SUPT5H: variants seen among roughly 807,000 people sequenced by gnomAD.
SUPT5H encodes transcription elongation factor SPT5.
A neutral mutation model predicts 142.5 loss-of-function variants in SUPT5H; 24 were observed. The observed-to-expected ratio is 0.17, with a 90% confidence interval of 0.12 to 0.24. SUPT5H has a LOEUF of 0.24. Ranked by LOEUF, SUPT5H falls within the 10% of genes least tolerant of loss-of-function variation. SUPT5H has a pLI of 1.00. For missense variants in SUPT5H, 893 were observed against 1,471.8 expected (o/e 0.61, Z 6.43); for synonymous variants, 546 against 553.0 (o/e 0.99, Z 0.18).
At chr19:39,464,707 C>T (rs2146107969) in intron 10 of SUPT5H, 91 bp from the exon 11 acceptor site, 2 of 1,504,902 alleles carry the variant, frequency 1.3e-6, no homozygotes, top group African/African-American at 2.8e-5. Flanking sequence ...GGAATAAATT[C>T]CTAGAAGAGG....
In SUPT5H at chr19:39,476,640, T is replaced by A; in HGVS notation, c.*241T>A. Reference sequence around the variant, plus strand: ...CACAGCTTGCTTTTGTTGTACCGTCTTTCAATAAAAAGAAGCTGTTTGGTC... The same window carrying A: ...CACAGCTTGCTTTTGTTGTACCGTCATTCAATAAAAAGAAGCTGTTTGGTC... On this transcript the variant is annotated 3_prime_UTR_variant, in exon 30 of 30. Transcript: ENST00000432763. 1 of 556,570 alleles carries A rather than the reference T, an allele frequency of 1.8e-6. No individual in the cohort carries two copies. The highest frequency in any genetic ancestry group is 3.2e-6 in the Non-Finnish European group (1 of 313,660). The allele number at this position is 556,570 out of a possible 1,614,324, so 34.5% of individuals were successfully genotyped here.
In SUPT5H at chr19:39,474,733, G is replaced by T; in HGVS notation, c.3024+15G>T. The T allele has an allele frequency of 6.3e-7, 1 of 1,598,768 alleles. No individual in the cohort carries two copies. ...GCAGTGTCACGGTACGTGGGGCCCA[G>T]GGTGGTGGGTGAGCAGGCATCCTCT... is the stretch of plus-strand genomic sequence containing the variant. On this transcript the variant is annotated intron_variant, in intron 28 of 29. Coordinates refer to ENST00000432763, the MANE Select transcript of SUPT5H (RefSeq NM_001111020.3). This position sits in a 1 kb window ranked among gnomAD's most constrained non-coding sequence, Gnocchi z 6.5.
In SUPT5H at chr19:39,476,558, T is replaced by C; in HGVS notation, c.*159T>C. ...TTTCCATCTTTTCCCTCCCTGGTGCTCATTGGAATCTGAGTAGAGTCTGGG... is the reference window on the plus strand; with the variant it reads ...TTTCCATCTTTTCCCTCCCTGGTGCCCATTGGAATCTGAGTAGAGTCTGGG... On this transcript the variant is annotated 3_prime_UTR_variant, in exon 30 of 30. Transcript: ENST00000432763. 1.0e-6 allele frequency: 1 copy of C among 956,200 alleles called. No individual in the cohort carries two copies. Among genetic ancestry groups the C allele is most frequent in the Non-Finnish European group, 1.5e-6 (1 of 658,234 alleles). The allele number at this position is 956,200 out of a possible 1,614,324, so 59.2% of individuals were successfully genotyped here.
At position 39,469,538 on chromosome 19, in the gene SUPT5H, C is replaced by G; in HGVS notation, c.1374+140C>G. On this transcript the variant is annotated intron_variant, in intron 16 of 29. Coordinates refer to ENST00000432763, the MANE Select transcript of SUPT5H (RefSeq NM_001111020.3). The surrounding 1 kb of genome is among the most constrained non-coding windows in gnomAD (Gnocchi z 5.1). The stretch of plus-strand genomic sequence containing the variant: ...AGGCCCTTCTAGCATTCTCAGGTGC[C>G]TGAGAGGCTCTGTCTGAGTGCAGCT... The G allele has an allele frequency of 8.1e-7, 1 of 1,237,484 alleles. No homozygotes were observed. Among genetic ancestry groups the G allele is most frequent in the Admixed American group, 2.1e-5 (1 of 47,834 alleles). The allele number at this position is 1,237,484 out of a possible 1,614,324, so 76.7% of individuals were successfully genotyped here. A position where few individuals can be genotyped will look rare whatever the true frequency, so the allele number is the denominator to read the frequency against.
At chr19:39,471,813 T>C in intron 20 of SUPT5H, 83 bp downstream of exon 20, 1 of 1,521,144 alleles carries the variant, frequency 6.6e-7, no homozygotes, top group Non-Finnish European at 8.8e-7. Flanking sequence ...AGTGATAAGA[T>C]TGGGCTTGTG....
intron 7 of SUPT5H, 23 bp from the exon 8 acceptor site, chr19:39,459,161 C>T (rs2079128856): frequency 6.2e-7 from 1 of 1,608,550 alleles, no homozygotes; most frequent in Non-Finnish European, 8.5e-7. Context: ...TTCACCCCTT[C>T]CTGACTGCCC....
rs1472234795 is a variant in SUPT5H at position 39,465,421 on chromosome 19, C to G, written c.876+372C>G. The stretch of plus-strand genomic sequence containing the variant: ...GCCCATTGGAGAGCTTTGGTGTTTA[C>G]TGGCGTAGGATGGGAGGGCTGTAAG... On this transcript the variant is annotated intron_variant, in intron 11 of 29. Transcript: ENST00000432763. Among the ~76,000 whole-genome samples the G allele has an allele frequency of 2.0e-5, 3 of 152,184 alleles. No homozygotes were observed. In the East Asian group the frequency reaches 5.8e-4, roughly 29 times the overall value.
In SUPT5H at chr19:39,472,600, A is replaced by T. The variant is rs1347661442; in HGVS notation, c.2035+107A>T. 2.8e-6 allele frequency: 4 copies of T among 1,412,476 alleles called. No individual in the cohort carries two copies. The highest frequency in any genetic ancestry group is 2.0e-5 in the Admixed American group (1 of 49,906). 87.5% of individuals were successfully genotyped at this position (1,412,476 alleles called of 1,614,324 possible). On this transcript the variant is annotated intron_variant, in intron 21 of 29. Coordinates refer to ENST00000432763, the MANE Select transcript of SUPT5H (RefSeq NM_001111020.3). This position sits in a 1 kb window ranked among gnomAD's most constrained non-coding sequence, Gnocchi z 4.2. ...TGCCTGTGCTGGGCTGGGCACTGCT[A>T]TTAGGGGTTCACCACCCACAGGAGG...
At position 39,469,683 on chromosome 19, in the gene SUPT5H, C is replaced by A. The variant is rs2079291925; in HGVS notation, c.1374+285C>A. On this transcript the variant is annotated intron_variant, in intron 16 of 29. Coordinates refer to ENST00000432763, the MANE Select transcript of SUPT5H (RefSeq NM_001111020.3). The surrounding 1 kb of genome is among the most constrained non-coding windows in gnomAD (Gnocchi z 5.1). The stretch of plus-strand genomic sequence containing the variant: ...GTACTGGGTTGAGAGTGTGATTAAC[C>A]AAGGAGTAATCTGAGGCTTGACTTT... 1.9e-6 allele frequency: 1 copy of A among 535,762 alleles called. No homozygotes were observed. Among genetic ancestry groups the A allele is most frequent in the Non-Finnish European group, 3.4e-6 (1 of 296,072 alleles). 33.2% of individuals were successfully genotyped at this position (535,762 alleles called of 1,614,324 possible). A position where few individuals can be genotyped will look rare whatever the true frequency, so the allele number is the denominator to read the frequency against.
At chr19:39,450,818 T>C (rs1261254167) in intron 2 of SUPT5H, among the ~76,000 whole-genome samples, 3 of 152,236 alleles carry the variant, frequency 2.0e-5, no homozygotes, top group Non-Finnish European at 4.4e-5. Context: ...AGTTTCATCT[T>C]AGTGCTACTG....
rs768413830 is a variant in SUPT5H at position 39,466,552 on chromosome 19, A to G, written c.949A>G (p.Lys317Glu). Residue 317 changes from lysine (K) to glutamate (E), a missense_variant, in exon 12 of 30, where the codon AAG becomes GAG. By Grantham distance (56) the Lys-to-Glu change is moderately conservative. This residue lies in a region of SUPT5H where 428 missense variants were observed against 763.5 expected (regional missense o/e 0.56). Coordinates refer to ENST00000432763, the MANE Select transcript of SUPT5H (RefSeq NM_001111020.3). This position sits in a 1 kb window ranked among gnomAD's most constrained non-coding sequence, Gnocchi z 4.3. ...MIPRIDYDRI[K>E]ARMSLKDWFA... ...CCCACGCATCGACTACGATCGCATC[A>G]AGGCCCGCATGAGCTTGGTACTCAG... The G allele has an allele frequency of 2.5e-6, 4 of 1,614,006 alleles. No individual in the cohort carries two copies. The highest frequency in any genetic ancestry group is 1.7e-5 in the Admixed American group (1 of 60,000).
At position 39,459,604 on chromosome 19, in the gene SUPT5H, C is replaced by T; in HGVS notation, c.555+15C>T. 3 of 1,613,822 alleles carry T rather than the reference C, an allele frequency of 1.9e-6. No individual in the cohort carries two copies. The highest frequency in any genetic ancestry group is 2.5e-6 in the Non-Finnish European group (3 of 1,179,886). On this transcript the variant is annotated intron_variant, in intron 9 of 29. Coordinates refer to ENST00000432763, the MANE Select transcript of SUPT5H (RefSeq NM_001111020.3). ...TCAAATGTAAGGTATGTGCTCTGAT[C>T]TCGGGGCTTGGAGGAGGTGGGAGAA... is the stretch of plus-strand genomic sequence containing the variant.
chr19:39,458,919 G>T lies in SUPT5H; in HGVS notation c.389+32G>T, dbSNP rs1333423311. 1 of 1,613,862 alleles carries T rather than the reference G, an allele frequency of 6.2e-7. No homozygotes were observed. On this transcript the variant is annotated intron_variant, in intron 6 of 29. Transcript: ENST00000432763. The surrounding 1 kb of genome is among the most constrained non-coding windows in gnomAD (Gnocchi z 4.2). Reference sequence around the variant, plus strand: ...AAGGAAGGGAAACGTGGTGGGATTGGCTCCTGTGGGGAGATTTGGGAGTAG... The same window carrying T: ...AAGGAAGGGAAACGTGGTGGGATTGTCTCCTGTGGGGAGATTTGGGAGTAG...
chr19:39,459,241 A>T lies in SUPT5H; in HGVS notation c.516A>T (p.Pro172=). 3.2e-6 allele frequency: 5 copies of T among 1,559,246 alleles called. No homozygotes were observed. The highest frequency in any genetic ancestry group is 4.3e-6 in the Non-Finnish European group (5 of 1,151,670). The change falls in exon 8 of 30, where the codon CCA becomes CCT. Residue 172 remains proline (P), a synonymous_variant. Coordinates refer to ENST00000432763, the MANE Select transcript of SUPT5H (RefSeq NM_001111020.3). ...SDDITQQQLL[P]GVKDPNLWTV... ...ACATCACCCAGCAGCAGCTGCTCCC[A>T]GGAGTCAAGTAAGGGGGTTGGGATG...
chr19:39,448,756 C>G (rs1414434796), intron 2 of SUPT5H, among the ~76,000 whole-genome samples: 1 of 152,078 alleles, frequency 6.6e-6, no homozygotes, highest in Non-Finnish European at 1.5e-5. Flanking sequence ...AGGGGAGCTG[C>G]TGGTTCACCC....
intron 10 of SUPT5H, among the ~76,000 whole-genome samples, chr19:39,460,961 A>C (rs1024696538): frequency 3.3e-5 from 5 of 152,100 alleles, no homozygotes; most frequent in Non-Finnish European, 7.4e-5. Context: ...TTTGCAAACT[A>C]TGCTTTTAAA....
Position 39,453,440 on chromosome 19 carries a change from T to C in SUPT5H, c.160T>C (p.Tyr54His), listed in dbSNP as rs1452872155. 1 of 1,567,134 alleles carries C rather than the reference T, an allele frequency of 6.4e-7. No homozygotes were observed. Among genetic ancestry groups the C allele is most frequent in the African/African-American group, 1.4e-5 (1 of 73,106 alleles). ...DEEEEEEEEE[Y>H]DEEEEEEDDD... ...AGAGGAGGAGGAAGAGGAGGAGGAA[T>C]ACGATGAGGAAGAGGAGGAAGAAGA... Residue 54 changes from tyrosine to histidine, a missense_variant, in exon 3 of 30, where the codon TAC (tyrosine) becomes CAC (histidine). By Grantham distance (83) the Tyr-to-His change is moderately conservative. This residue lies in a region of SUPT5H where 19 missense variants were observed against 27.2 expected (regional missense o/e 0.70). Transcript: ENST00000432763.
chr19:39,470,440 G>A lies in SUPT5H; in HGVS notation c.1594G>A (p.Gly532Ser). 6.2e-7 allele frequency: 1 copy of A among 1,607,904 alleles called. No homozygotes were observed. Among genetic ancestry groups the A allele is most frequent in the Non-Finnish European group, 8.5e-7 (1 of 1,176,612 alleles). The change falls in exon 18 of 30, where the codon GGC becomes AGC. Residue 532 changes from glycine (G) to serine (S), a missense_variant. By Grantham distance (56) the Gly-to-Ser change is moderately conservative (BLOSUM62 0). Transcript: ENST00000432763. This position sits in a 1 kb window ranked among gnomAD's most constrained non-coding sequence, Gnocchi z 5.8. Reference protein sequence around the residue: ...SETASGVDVGGQHEWGELVQL... With the variant: ...SETASGVDVGSQHEWGELVQL... The stretch of plus-strand genomic sequence containing the variant: ...GACAGCATCAGGTGTGGATGTTGGG[G>A]GCCAGCATGAATGGGGCGAGCTGGT...
At chr19:39,459,633 G>T in intron 9 of SUPT5H, 44 bp downstream of exon 9, 1 of 1,612,292 alleles carries the variant, frequency 6.2e-7, no homozygotes, top group Non-Finnish European at 8.5e-7. Flanking sequence ...GGGAGAATGA[G>T]GGAGGCTGCT....
Sources: allele counts gnomAD v4.1 joint callset (sites outside exome capture counted in the v4.1 genomes callset), GRCh38; gene constraint gnomAD v4.1.1; regional missense constraint gnomAD v4.1.1; non-coding constraint Gnocchi (gnomAD v3.1); transcripts MANE v1.5; gene names NCBI Gene and HGNC (gene_info 2026-07-23, HGNC 2026-07-21).